Variants in UVRAG observed in about 807,000 individuals in gnomAD.
UVRAG encodes the protein UV radiation resistance-associated gene protein.
Under a neutral mutation model 78.0 loss-of-function variants are expected in UVRAG, and 19 were observed. The observed-to-expected ratio is 0.24, with a 90% confidence interval of 0.17 to 0.36. The LOEUF is 0.36. Among genes scored for constraint, UVRAG ranks in the 10% least tolerant of loss-of-function variants. UVRAG has a pLI of 1.00. For missense variants in UVRAG, 740 were observed against 853.8 expected (o/e 0.87, Z 1.66); for synonymous variants, 323 against 324.6 (o/e 1.00, Z 0.05).
At chr11:76,099,511 C>T (rs1951842981) in intron 13 of UVRAG, among the ~76,000 whole-genome samples, 1 of 152,046 alleles carries the variant, frequency 6.6e-6, no homozygotes, top group Non-Finnish European at 1.5e-5. Flanking sequence ...CTAAAAAGAT[C>T]CTATTTGTAT....
At chr11:76,130,365 A>G (rs1244176985) in intron 14 of UVRAG, among the ~76,000 whole-genome samples, 1 of 152,198 alleles carries the variant, frequency 6.6e-6, no homozygotes, top group East Asian at 1.9e-4. Context: ...TAAAACATGA[A>G]CCATGGCTTT....
intron 3 of UVRAG, among the ~76,000 whole-genome samples, chr11:75,877,548 C>T (rs1423735840): frequency 2.8e-5 from 4 of 143,816 alleles, no homozygotes; most frequent in Admixed American, 1.3e-4. Flanking sequence ...GGTGGCTGGC[C>T]GGGCGGGGGG....
At chr11:76,049,659 C>A (rs1410501538) in intron 12 of UVRAG, among the ~76,000 whole-genome samples, 1 of 152,200 alleles carries the variant, frequency 6.6e-6, no homozygotes, top group Non-Finnish European at 1.5e-5. Context: ...TCCGCCACTT[C>A]TACTTCACCC....
intron 1 of UVRAG, among the ~76,000 whole-genome samples, chr11:75,835,768 A>G (rs1332891297): frequency 6.6e-6 from 1 of 152,228 alleles, no homozygotes; most frequent in Non-Finnish European, 1.5e-5. Flanking sequence ...ATTATAAGTC[A>G]CAAAAGTATA....
chr11:75,875,780 G>T (rs1338750524), intron 3 of UVRAG, among the ~76,000 whole-genome samples: 2 of 151,950 alleles, frequency 1.3e-5, no homozygotes, highest in Non-Finnish European at 2.9e-5. Context: ...GCTGTTTAGG[G>T]GTATAGCCCT....
chr11:75,880,609 A>G (rs1414822877), intron 4 of UVRAG, among the ~76,000 whole-genome samples: 1 of 151,928 alleles, frequency 6.6e-6, no homozygotes, highest in Non-Finnish European at 1.5e-5. Context: ...CTGGAGTGCA[A>G]TGGCGCGCAA....
chr11:76,130,934 TG>T (rs1280579325), intron 14 of UVRAG, among the ~76,000 whole-genome samples: 5 of 150,328 alleles, frequency 3.3e-5, no homozygotes, highest in African/African-American at 1.2e-4. Context: ...TGGGTTTTTT[TG>T]TTTTTTTTTT....
chr11:75,838,551 C>T (rs1945837424), intron 1 of UVRAG, among the ~76,000 whole-genome samples: 1 of 151,916 alleles, frequency 6.6e-6, no homozygotes, highest in African/African-American at 2.4e-5. Context: ...TAGAGTCTTC[C>T]TATGTTGCCC....
chr11:75,993,801 A>T (rs558155136), intron 8 of UVRAG, among the ~76,000 whole-genome samples: 1 of 152,208 alleles, frequency 6.6e-6, no homozygotes, highest in African/African-American at 2.4e-5. Flanking sequence ...CAGGCTGTAC[A>T]GGAAGCATGA....
At chr11:75,985,408 ACTGT>A (rs1308775149) in intron 8 of UVRAG, among the ~76,000 whole-genome samples, 1 of 151,462 alleles carries the variant, frequency 6.6e-6, no homozygotes, top group Non-Finnish European at 1.5e-5. Context: ...GTTTGGTTTG[ACTGT>A]CTTTTTGTTT....
At chr11:75,996,885 C>T (rs1949718331) in intron 8 of UVRAG, among the ~76,000 whole-genome samples, 1 of 152,190 alleles carries the variant, frequency 6.6e-6, no homozygotes, top group Non-Finnish European at 1.5e-5. Context: ...AATATTAGCT[C>T]TGACCTCAGC....
At chr11:76,140,646 G>C in intron 14 of UVRAG, 65 bp from the exon 15 acceptor site, 2 of 1,451,092 alleles carry the variant, frequency 1.4e-6, no homozygotes, top group Non-Finnish European at 1.9e-6. Flanking sequence ...CCTGTCTCTG[G>C]ATCCAGAAGG....
intron 1 of UVRAG, among the ~76,000 whole-genome samples, chr11:75,846,494 T>C (rs1946036508): frequency 6.6e-6 from 1 of 152,206 alleles, no homozygotes; most frequent in Non-Finnish European, 1.5e-5. Context: ...TTTTTTCCTA[T>C]GTTATCTTCT....
chr11:75,877,306 G>GC (rs1462911662), intron 3 of UVRAG, among the ~76,000 whole-genome samples: 1 of 152,056 alleles, frequency 6.6e-6, no homozygotes, highest in Admixed American at 6.5e-5. Context: ...ACCTTTCCCC[G>GC]CTTTCTATTC....
chr11:76,076,522 T>C (rs1951406990), intron 13 of UVRAG, among the ~76,000 whole-genome samples: 1 of 152,132 alleles, frequency 6.6e-6, no homozygotes, highest in South Asian at 2.1e-4. Flanking sequence ...ACTGGGTCCC[T>C]CCCATGACAC....
At position 76,055,699 on chromosome 11, in the gene UVRAG, G is replaced by A. The variant is rs150080232; in HGVS notation, c.1227-10011G>A. On this transcript the variant is annotated intron_variant, in intron 12 of 14. Transcript: ENST00000356136. ...TTTTCTTTTGAGGTAAAATTTATAT[G>A]TAATGAAATATACAAACCTTTTTTT... is the stretch of plus-strand genomic sequence containing the variant. Among the ~76,000 whole-genome samples, 1,433 of 152,098 alleles carry A rather than the reference G, an allele frequency of 9.4e-3. 24 individuals carry two copies. The highest frequency in any genetic ancestry group is 0.033 in the African/African-American group (1,365 of 41,488).
intron 14 of UVRAG, among the ~76,000 whole-genome samples, chr11:76,138,423 A>G (rs1012370714): frequency 1.1e-4 from 17 of 152,284 alleles, no homozygotes; most frequent in South Asian, 2.1e-4. Flanking sequence ...CGTTCCCTTC[A>G]CATTGTAGTT....
chr11:76,140,048 A>ACTCTCTCT (rs1312448539), intron 14 of UVRAG, among the ~76,000 whole-genome samples: 2 of 89,970 alleles, frequency 2.2e-5, no homozygotes, highest in African/African-American at 1.1e-4. Context: ...TATAACCTTG[A>ACTCTCTCT]CTCTCTCTCT....
At chr11:75,823,993 C>T (rs548643663) in intron 1 of UVRAG, among the ~76,000 whole-genome samples, 6 of 152,186 alleles carry the variant, frequency 3.9e-5, no homozygotes, top group Admixed American at 3.3e-4. Flanking sequence ...TAAATATTTT[C>T]CCTTTCTGTG....
Sources: gnomAD v4.1 joint callset for allele counts (sites outside exome capture counted in the v4.1 genomes callset) on GRCh38, gnomAD v4.1.1 for gene constraint, MANE v1.5 for transcripts, NCBI Gene and HGNC (gene_info 2026-07-23, HGNC 2026-07-21) for gene names.